The following KANK1 variants were observed in gnomAD, a reference collection of about 807,000 sequenced individuals.
KANK1 encodes KN motif and ankyrin repeat domains 1, also known as KN motif and ankyrin repeat domain-containing protein 1.
In KANK1, 109 loss-of-function variants were observed where a neutral mutation model predicts 106.2. The observed-to-expected ratio is 1.03, with a 90% CI of 0.88 to 1.20. The LOEUF (loss-of-function observed/expected upper bound fraction) is 1.20, where lower values mean the gene tolerates loss of function less well. Ranked by LOEUF, KANK1 falls within the 50% of genes most tolerant of loss-of-function variation. The pLI is 0.00. For synonymous variants in KANK1, 873 were observed against 652.2 expected, an observed-to-expected ratio of 1.34 and a Z score of -5.16; for missense variants, 2,399 against 1,710.7, an observed-to-expected ratio of 1.40 and a Z score of -7.10.
At chr9:489,760 G>C (rs1468202992) in intron 3 of KANK1, among the ~76,000 whole-genome samples, 1 of 152,080 alleles carries the variant, frequency 6.6e-6, no homozygotes, top group Non-Finnish European at 1.5e-5. Context: ...TGCTCCACGG[G>C]GTTTGAAGAA....
chr9:691,300 G>T (rs1033639753), intron 2 of KANK1, among the ~76,000 whole-genome samples: 25 of 106,104 alleles, frequency 2.4e-4, no homozygotes, highest in Non-Finnish European at 2.1e-5. Context: ...GAATGTAGCA[G>T]ATTTTTTTTT....
chr9:742,485 G>A, intron 10 of KANK1, 80 bp downstream of exon 10: 2 of 1,116,996 alleles, frequency 1.8e-6, no homozygotes, highest in Non-Finnish European at 2.6e-6. Flanking sequence ...TTTTGGCCAG[G>A]AGCGACCAAA....
At chr9:635,864 C>T (rs1837009803) in intron 1 of KANK1, among the ~76,000 whole-genome samples, 1 of 151,642 alleles carries the variant, frequency 6.6e-6, no homozygotes, top group African/African-American at 2.4e-5. Context: ...TTAGTAGAGA[C>T]AGGTTTCACT....
chr9:661,861 T>G (rs1843393966), intron 1 of KANK1, among the ~76,000 whole-genome samples: 1 of 135,408 alleles, frequency 7.4e-6, no homozygotes, highest in African/African-American at 2.8e-5. Context: ...TGATTTGCAT[T>G]TCTCTGATGG....
chr9:599,237 T>G (rs950106528), intron 1 of KANK1, among the ~76,000 whole-genome samples: 3 of 149,810 alleles, frequency 2.0e-5, no homozygotes, highest in Non-Finnish European at 1.5e-5. Context: ...AGGCTGGTCT[T>G]GAACTCCTGA....
chr9:539,745 C>A (rs149252043), intron 1 of KANK1: 5 of 152,202 alleles, frequency 3.3e-5, no homozygotes, highest in Admixed American at 3.3e-4. Context: ...CCTTGGCTTC[C>A]CAAAGTGCTA....
At chr9:673,860 G>C (rs748527498) in intron 1 of KANK1, 2 of 152,030 alleles carry the variant, frequency 1.3e-5, no homozygotes, top group African/African-American at 2.4e-5. Flanking sequence ...AAACACACAA[G>C]GCTAGCAAGG....
At chr9:672,570 C>T (rs182808768) in intron 1 of KANK1, among the ~76,000 whole-genome samples, 5 of 152,150 alleles carry the variant, frequency 3.3e-5, no homozygotes. Flanking sequence ...TCAGCATTAT[C>T]TTGTTTCTAA....
chr9:506,314 G>A (rs1170875396), intron 1 of KANK1, among the ~76,000 whole-genome samples: 1 of 152,206 alleles, frequency 6.6e-6, no homozygotes, highest in Non-Finnish European at 1.5e-5. Context: ...AGCAATGGAA[G>A]AAAAATTAAG....
At chr9:646,519 C>G (rs1359812534) in intron 1 of KANK1, among the ~76,000 whole-genome samples, 1 of 150,526 alleles carries the variant, frequency 6.6e-6, no homozygotes, top group African/African-American at 2.5e-5. Flanking sequence ...TGAAAACTTT[C>G]TGAAGTTATA....
intron 3 of KANK1, among the ~76,000 whole-genome samples, chr9:722,288 C>G (rs530711852): frequency 1.3e-5 from 2 of 152,182 alleles, no homozygotes; most frequent in Admixed American, 6.5e-5. Flanking sequence ...GATGGAGTTT[C>G]ACTTCAACTG....
intron 1 of KANK1, among the ~76,000 whole-genome samples, chr9:544,555 G>T (rs2060813253): frequency 6.6e-6 from 1 of 152,230 alleles, no homozygotes; most frequent in Non-Finnish European, 1.5e-5. Flanking sequence ...AAAGCTGATG[G>T]ATGATGCAAA....
At chr9:542,902 G>A (rs9408626) in intron 1 of KANK1, among the ~76,000 whole-genome samples, 9,122 of 152,230 alleles carry the variant, frequency 0.06, 310 homozygotes, top group South Asian at 0.084. Flanking sequence ...GATGAGCGGT[G>A]CTTGGGAGGG....
At position 711,315 on chromosome 9, in the gene KANK1, GC is replaced by G; in HGVS notation, c.550del (p.Leu184TrpfsTer61). 1 of 1,614,158 alleles carries G rather than the reference GC, an allele frequency of 6.2e-7. No homozygotes were observed. Among genetic ancestry groups the G allele is most frequent in the Non-Finnish European group, 8.5e-7 (1 of 1,180,030 alleles). ...CACCGGGTGAGTTCAGAAGGCCCAG[GC>G]TGGCCAGTTTTGGAGGCATGGGCAC... ...MTPGEFRRPR[L>X]ASFGGMGTTS... On this transcript the variant is annotated frameshift_variant, in exon 3 of 12. Coordinates refer to ENST00000382297, the MANE Select transcript of KANK1 (RefSeq NM_015158.5). LOFTEE classifies it high-confidence loss of function.
intron 2 of KANK1, among the ~76,000 whole-genome samples, chr9:699,219 C>T (rs911875895): frequency 2.0e-5 from 3 of 152,208 alleles, no homozygotes; most frequent in Non-Finnish European, 4.4e-5. Flanking sequence ...TTTCACAACA[C>T]TTAATACAGT....
chr9:656,480 G>C (rs1289815801), intron 1 of KANK1, among the ~76,000 whole-genome samples: 1 of 152,138 alleles, frequency 6.6e-6, no homozygotes, highest in Non-Finnish European at 1.5e-5. Flanking sequence ...AGGGGACAAG[G>C]CTCTGTCTCC....
chr9:567,524 G>T (rs753130807), intron 1 of KANK1, among the ~76,000 whole-genome samples: 6 of 152,206 alleles, frequency 3.9e-5, no homozygotes, highest in Non-Finnish European at 8.8e-5. Flanking sequence ...GCAAGGGTCA[G>T]ATATCTCTTA....
At chr9:516,175 T>C (rs1257318203) in intron 1 of KANK1, among the ~76,000 whole-genome samples, 1 of 151,706 alleles carries the variant, frequency 6.6e-6, no homozygotes, top group Admixed American at 6.6e-5. Flanking sequence ...CAAGACTATG[T>C]CCTGGGTCAG....
chr9:700,551 T>A (rs945472260), intron 2 of KANK1, among the ~76,000 whole-genome samples: 2 of 152,206 alleles, frequency 1.3e-5, no homozygotes, highest in Non-Finnish European at 2.9e-5. Flanking sequence ...TGGTTTGCTT[T>A]CCTGCTGACG....
Sources: gnomAD v4.1 joint callset for allele counts (sites outside exome capture counted in the v4.1 genomes callset) on GRCh38, gnomAD v4.1.1 for gene constraint, MANE v1.5 for transcripts, NCBI Gene and HGNC (gene_info 2026-07-23, HGNC 2026-07-21) for gene names.